Variants in SCYL3 observed in about 807,000 individuals in gnomAD.
SCYL3 encodes the protein protein-associating with the carboxyl-terminal domain of ezrin.
Under a neutral mutation model 73.8 loss-of-function variants are expected in SCYL3, and 35 were observed. The ratio of observed to expected loss-of-function variants is 0.47; its 90% CI spans 0.36 to 0.63. SCYL3 has a LOEUF of 0.63. SCYL3 is among the 20% of genes least tolerant of loss of function. The pLI is 0.00. For synonymous variants in SCYL3, 277 were observed against 295.2 expected (o/e 0.94, Z 0.63); for missense variants, 712 against 798.9 (o/e 0.89, Z 1.31).
chr1:169,873,812 T>C (rs1660602525), intron 4 of SCYL3, 60 bp from the exon 5 acceptor site: 1 of 1,157,276 alleles, frequency 8.6e-7, no homozygotes, highest in East Asian at 2.3e-5. Context: ...AACTAATCTC[T>C]TACATCAGGT....
In SCYL3 at chr1:169,866,982, C is replaced by A; in HGVS notation, c.738-9G>T. 1 of 1,510,832 alleles carries A rather than the reference C, an allele frequency of 6.6e-7. No homozygotes were observed. The highest frequency in any genetic ancestry group is 1.2e-5 in the South Asian group (1 of 86,000). 93.6% of individuals were successfully genotyped at this position (1,510,832 alleles called of 1,614,324 possible). On this transcript the variant is annotated splice_polypyrimidine_tract_variant and intron_variant, in intron 7 of 12. Transcript: ENST00000367771. ...CTTCCAGAAAATCATTTCTAAATGC[C>A]AAAAAGAGAAGGAATTCAGCAGAAC...
chr1:169,866,267 C>G (rs950832373), intron 8 of SCYL3, among the ~76,000 whole-genome samples: 2 of 152,174 alleles, frequency 1.3e-5, no homozygotes, highest in Non-Finnish European at 2.9e-5. Flanking sequence ...CATTAATGCC[C>G]TTATGTGTGG....
chr1:169,880,344 G>A (rs1233925304), intron 2 of SCYL3, among the ~76,000 whole-genome samples: 2 of 151,954 alleles, frequency 1.3e-5, no homozygotes, highest in Admixed American at 1.3e-4. Context: ...TTTTTAAAAA[G>A]CACACTTAAA....
rs141278758 is a variant in SCYL3 at position 169,855,647 on chromosome 1, A to G, written c.1313-683T>C. ...TAAAGAGGAGGTAAGTATATATCCAATAGTCTGGAGAAACAAGATGAGACC... is the reference window on the plus strand; with the variant it reads ...TAAAGAGGAGGTAAGTATATATCCAGTAGTCTGGAGAAACAAGATGAGACC... On this transcript the variant is annotated intron_variant, in intron 11 of 12. Coordinates refer to ENST00000367771, the MANE Select transcript of SCYL3 (RefSeq NM_020423.7). 1.2e-4 allele frequency: 80 copies of G among 672,118 alleles called. 1 individual carries two copies. In the East Asian group the frequency reaches 1.7e-3, roughly 14 times the overall value. The allele number at this position is 672,118 out of a possible 1,614,324, so 41.6% of individuals were successfully genotyped here. A position where few individuals can be genotyped will look rare whatever the true frequency, so the allele number is the denominator to read the frequency against.
At chr1:169,879,904 A>G (rs1489470762) in intron 2 of SCYL3, among the ~76,000 whole-genome samples, 1 of 152,236 alleles carries the variant, frequency 6.6e-6, no homozygotes, top group Non-Finnish European at 1.5e-5. Flanking sequence ...AACAGAATGA[A>G]TATGACAGAA....
At chr1:169,887,281 A>G (rs530511461) in intron 2 of SCYL3, among the ~76,000 whole-genome samples, 125 of 152,310 alleles carry the variant, frequency 8.2e-4, no homozygotes, top group Admixed American at 2.4e-3. Context: ...CTTCCCTCTC[A>G]AGCTTCGCAA....
intron 5 of SCYL3, among the ~76,000 whole-genome samples, chr1:169,871,544 C>T (rs560171782): frequency 6.6e-6 from 1 of 152,170 alleles, no homozygotes; most frequent in African/African-American, 2.4e-5. Context: ...TAGAGTGGGG[C>T]GTTGCTGAAA....
chr1:169,853,534 T>TTTTAGCCAGCA lies in SCYL3; in HGVS notation c.*168_*178dup. 1 of 640,162 alleles carries TTTTAGCCAGCA rather than the reference T, an allele frequency of 1.6e-6. No homozygotes were observed. Among genetic ancestry groups the TTTTAGCCAGCA allele is most frequent in the Non-Finnish European group, 2.7e-6 (1 of 373,526 alleles). 39.7% of individuals were successfully genotyped at this position (640,162 alleles called of 1,614,324 possible). A position where few individuals can be genotyped will look rare whatever the true frequency, so the allele number is the denominator to read the frequency against. On this transcript the variant is annotated 3_prime_UTR_variant, in exon 13 of 13. Coordinates refer to ENST00000367771, the MANE Select transcript of SCYL3 (RefSeq NM_020423.7). ...TACTGTGAGCCTCACCACCCAGGGC[T>TTTTAGCCAGCA]TTTAGCCAGCACTCACAGTCAGTCT... is the stretch of plus-strand genomic sequence containing the variant.
At chr1:169,858,922 CTT>C in intron 11 of SCYL3, 117 bp downstream of exon 11, 2 of 867,604 alleles carry the variant, frequency 2.3e-6, no homozygotes, top group South Asian at 2.0e-5. Context: ...GAGAAATTAA[CTT>C]TTTATTTATA....
chr1:169,861,259 G>A (rs992800675), intron 10 of SCYL3, among the ~76,000 whole-genome samples: 3 of 152,134 alleles, frequency 2.0e-5, no homozygotes, highest in African/African-American at 7.2e-5. Context: ...CTAACCGAGA[G>A]AATGAGGCAA....
At chr1:169,856,059 T>A (rs1176086890) in intron 11 of SCYL3, 2 of 984,362 alleles carry the variant, frequency 2.0e-6, no homozygotes, top group Admixed American at 2.6e-5. Flanking sequence ...GGTATATTTT[T>A]ATACATATAA....
Position 169,854,950 on chromosome 1 carries a change from G to C in SCYL3, c.1327C>G (p.Gln443Glu). 6.2e-7 allele frequency: 1 copy of C among 1,604,528 alleles called. No homozygotes were observed. The highest frequency in any genetic ancestry group is 1.7e-5 in the Admixed American group (1 of 58,504). The change falls in exon 12 of 13, where the codon CAG (glutamine) becomes GAG (glutamate). Residue 443 changes from glutamine to glutamate, a missense_variant. Physicochemically the swap from Gln to Glu is conservative, Grantham distance 29 (BLOSUM62 2). Transcript: ENST00000367771. ...DLSLEGDPFS[Q>E]PIKFPINGLS... ...CCATTTATGGGAAATTTAATAGGCTGAGAAAATGGATCGCCTGTAGGGAAA... is the reference window on the plus strand; with the variant it reads ...CCATTTATGGGAAATTTAATAGGCTCAGAAAATGGATCGCCTGTAGGGAAA...
At chr1:169,860,702 C>T (rs1025914231) in intron 10 of SCYL3, among the ~76,000 whole-genome samples, 2 of 152,192 alleles carry the variant, frequency 1.3e-5, no homozygotes, top group Non-Finnish European at 2.9e-5. Flanking sequence ...AAACAGCAAT[C>T]CGCCCAAGCC....
At chr1:169,884,583 C>A (rs1661540614) in intron 2 of SCYL3, among the ~76,000 whole-genome samples, 1 of 152,232 alleles carries the variant, frequency 6.6e-6, no homozygotes, top group Non-Finnish European at 1.5e-5. Flanking sequence ...TAGGCATGAG[C>A]CACCTTGCCT....
Position 169,854,697 on chromosome 1 carries a change from T to A in SCYL3, c.1580A>T (p.Lys527Ile). 6.2e-7 allele frequency: 1 copy of A among 1,614,006 alleles called. No individual in the cohort carries two copies. Among genetic ancestry groups the A allele is most frequent in the South Asian group, 1.1e-5 (1 of 91,080 alleles). The stretch of plus-strand genomic sequence containing the variant: ...AGTGATTCCACCTCCTGGGTTTACT[T>A]TAGTATCTAAGCTGCTGGGCTCGCA... ...DDCEPSSLDT[K>I]VNPGGGITAT... Residue 527 changes from lysine to isoleucine, a missense_variant, in exon 12 of 13, where the codon AAA becomes ATA. By Grantham distance (102) the Lys-to-Ile change is moderately radical (BLOSUM62 -3). Around this residue, in one of 2 missense-constraint regions of SCYL3, gnomAD observed 370 missense variants for 350.8 expected, o/e 1.05. Coordinates refer to ENST00000367771, the MANE Select transcript of SCYL3 (RefSeq NM_020423.7).
intron 3 of SCYL3, among the ~76,000 whole-genome samples, chr1:169,877,089 A>T (rs1273952166): frequency 6.6e-6 from 1 of 151,730 alleles, no homozygotes; most frequent in Non-Finnish European, 1.5e-5. Flanking sequence ...GGATTCAGGT[A>T]TTTAAGTTTT....
Position 169,870,339 on chromosome 1 carries a change from G to T in SCYL3, c.541C>A (p.Leu181Ile). Reference sequence around the variant, plus strand: ...CGGGCATGTCCATGACACTCTGGGAGAGTTGTGAATTCTGGAGACTAAAAG... The same window carrying T: ...CGGGCATGTCCATGACACTCTGGGATAGTTGTGAATTCTGGAGACTAAAAG... Reference protein sequence around the residue: ...PEEMSPEFTTLPECHGHARDA... With the variant: ...PEEMSPEFTTIPECHGHARDA... Residue 181 changes from leucine (L) to isoleucine (I), a missense_variant, in exon 6 of 13, where the codon CTC becomes ATC. Transcript: ENST00000367771. The T allele has an allele frequency of 1.2e-6, 2 of 1,612,244 alleles. No individual in the cohort carries two copies.
chr1:169,882,733 G>A (rs1661380392), intron 2 of SCYL3, among the ~76,000 whole-genome samples: 1 of 152,170 alleles, frequency 6.6e-6, no homozygotes, highest in Admixed American at 6.5e-5. Context: ...TCTGTATCTA[G>A]CTACTCTGGT....
chr1:169,879,276 T>A (rs1036122717), intron 2 of SCYL3, among the ~76,000 whole-genome samples: 9 of 152,282 alleles, frequency 5.9e-5, no homozygotes, highest in Middle Eastern at 3.4e-3. Flanking sequence ...TGCAAAGCAG[T>A]GTAACAAAGG....
Sources: allele counts gnomAD v4.1 joint callset (sites outside exome capture counted in the v4.1 genomes callset), GRCh38; gene constraint gnomAD v4.1.1; regional missense constraint gnomAD v4.1.1; transcripts MANE v1.5; gene names NCBI Gene and HGNC (gene_info 2026-07-23, HGNC 2026-07-21).